The following TET3 variants were observed in gnomAD, a reference collection of about 807,000 sequenced individuals.
The protein encoded by TET3 is methylcytosine dioxygenase TET3.
Under a neutral mutation model 141.4 loss-of-function variants are expected in TET3, and 19 were observed. That is an observed-to-expected ratio of 0.13 (90% CI 0.09 to 0.20). The LOEUF (loss-of-function observed/expected upper bound fraction) is 0.20. TET3 is among the 10% of genes least tolerant of loss of function. TET3 has a pLI of 1.00. For missense variants in TET3, 1,874 were observed against 2,356.9 expected, an observed-to-expected ratio of 0.80 and a Z score of 4.24; for synonymous variants, 1,043 against 980.9, an observed-to-expected ratio of 1.06 and a Z score of -1.18.
chr2:73,999,487 C>A (rs1018231143), intron 2 of TET3, among the ~76,000 whole-genome samples: 1 of 152,068 alleles, frequency 6.6e-6, no homozygotes, highest in Non-Finnish European at 1.5e-5. Flanking sequence ...TGTCTGTGTT[C>A]CTTCGTCTTT....
intron 3 of TET3, among the ~76,000 whole-genome samples, chr2:74,036,821 G>T (rs901230462): frequency 1.7e-4 from 26 of 152,292 alleles, no homozygotes; most frequent in African/African-American, 6.0e-4. Flanking sequence ...CAGAGGACAT[G>T]AACAAAGTCC....
intron 1 of TET3, 110 bp from the exon 2 acceptor site, chr2:73,985,870 G>A (rs1263498503): frequency 3.9e-5 from 6 of 152,134 alleles, no homozygotes; most frequent in African/African-American, 1.4e-4. Flanking sequence ...CCTCAATTGA[G>A]CAAGCCCCAT....
intron 3 of TET3, among the ~76,000 whole-genome samples, chr2:74,036,472 G>A (rs185218488): frequency 1.1e-4 from 16 of 152,308 alleles, no homozygotes; most frequent in African/African-American, 3.8e-4. Context: ...CATGCTTGAG[G>A]GAAAATCATT....
At chr2:74,067,889 T>C (rs1688997272) in intron 4 of TET3, among the ~76,000 whole-genome samples, 1 of 152,204 alleles carries the variant, frequency 6.6e-6, no homozygotes, top group Admixed American at 6.5e-5. Context: ...GTGGGGACTT[T>C]GTGGACCACA....
the TET3 span, among the ~76,000 whole-genome samples, chr2:74,131,693 A>C: frequency 6.2e-4 from 94 of 152,222 alleles, no homozygotes; most frequent in Admixed American, 6.1e-3. Context: ...AAAACCGCAC[A>C]CTGTTTTTAA....
Position 74,047,945 on chromosome 2 carries a change from G to C in TET3, c.2028G>C (p.Leu676=), listed in dbSNP as rs1687735889. Residue 676 remains leucine (L), a synonymous_variant, in exon 4 of 12, where the codon CTG becomes CTC. Coordinates refer to ENST00000409262, the MANE Select transcript of TET3 (RefSeq NM_001287491.2). ...CACCTAGTCCCTCCAGGGACAGCCT[G>C]CTGCCCCCTACTCAGGAAATGAGGT... ...LFAPSPSRDS[L]LPPTQEMRSP... 1 of 1,613,424 alleles carries C rather than the reference G, an allele frequency of 6.2e-7. No individual in the cohort carries two copies. The highest frequency in any genetic ancestry group is 1.7e-5 in the Admixed American group (1 of 59,958).
chr2:74,080,474 G>T (rs759415749), intron 5 of TET3, 24 bp from the exon 6 acceptor site: 1 of 1,603,850 alleles, frequency 6.2e-7, no homozygotes, highest in South Asian at 1.1e-5. Flanking sequence ...CTGTGCTAAT[G>T]GTGGCTTCTG....
chr2:74,017,128 A>G (rs754850672), intron 3 of TET3, among the ~76,000 whole-genome samples: 1 of 152,166 alleles, frequency 6.6e-6, no homozygotes, highest in Non-Finnish European at 1.5e-5. Context: ...CTGTATAGCA[A>G]AAAATTTAAA....
chr2:74,092,337 G>T (rs1038541816), intron 8 of TET3, among the ~76,000 whole-genome samples: 1 of 152,076 alleles, frequency 6.6e-6, no homozygotes, highest in Non-Finnish European at 1.5e-5. Flanking sequence ...CTGTATTTCT[G>T]TAGCTTCATG....
downstream of TET3, among the ~76,000 whole-genome samples, chr2:74,112,346 T>C (rs944811155): frequency 2.6e-5 from 4 of 152,096 alleles, no homozygotes; most frequent in African/African-American, 9.7e-5. Context: ...AAGAACCCAC[T>C]CCTTTTATTT....
intron 2 of TET3, among the ~76,000 whole-genome samples, chr2:73,994,306 A>C (rs962897577): frequency 2.6e-5 from 4 of 152,224 alleles, no homozygotes; most frequent in African/African-American, 4.8e-5. Context: ...AGGCTCAGGC[A>C]AAGCTTGTAT....
At chr2:74,084,186 T>C (rs1689984759) in intron 6 of TET3, among the ~76,000 whole-genome samples, 1 of 152,248 alleles carries the variant, frequency 6.6e-6, no homozygotes, top group Admixed American at 6.5e-5. Flanking sequence ...TGTTCAGCAT[T>C]GCAAAGTATC....
In TET3 at chr2:74,069,332, C is replaced by T. The variant is rs375035860; in HGVS notation, c.2495-4217C>T. On this transcript the variant is annotated intron_variant, in intron 4 of 11. Coordinates refer to ENST00000409262, the MANE Select transcript of TET3 (RefSeq NM_001287491.2). ...GTCTTGTCTGCCTGGCTAGATCATA[C>T]AGTTTTTAAAGGCAACAGTCAGGTA... 2.2e-4 allele frequency among the ~76,000 whole-genome samples: 33 copies of T among 147,148 alleles called. 1 individual carries two copies. In the East Asian group the frequency reaches 2.6e-3, roughly 12 times the overall value.
rs1355272506 is a variant in TET3 at position 74,046,448 on chromosome 2, C to T, written c.531C>T (p.Asp177=). 2.5e-6 allele frequency: 4 copies of T among 1,605,602 alleles called. No homozygotes were observed. The East Asian group carries it at 8.9e-5, about 36-fold the overall frequency. Reference sequence around the variant, plus strand: ...GGACTGGGGGTCCTTGGCGGGTAGACCAAAAGCCCGACTGGGAGGCTGCCC... The same window carrying T: ...GGACTGGGGGTCCTTGGCGGGTAGATCAAAAGCCCGACTGGGAGGCTGCCC... ...LLGTGGPWRV[D]QKPDWEAAPG... Residue 177 remains aspartate, a synonymous_variant, in exon 4 of 12, where the codon GAC becomes GAT. Coordinates refer to ENST00000409262, the MANE Select transcript of TET3 (RefSeq NM_001287491.2). This position sits in a 1 kb window ranked among gnomAD's most constrained non-coding sequence, Gnocchi z 4.3.
intron 3 of TET3, among the ~76,000 whole-genome samples, chr2:74,009,478 A>G (rs1441424151): frequency 6.6e-6 from 1 of 152,202 alleles, no homozygotes; most frequent in Admixed American, 6.5e-5. Flanking sequence ...ACCCAGAGAG[A>G]GGAAACTGTG....
At chr2:74,025,350 G>A (rs545161030) in intron 3 of TET3, among the ~76,000 whole-genome samples, 3 of 148,636 alleles carry the variant, frequency 2.0e-5, no homozygotes, top group Non-Finnish European at 3.0e-5. Context: ...GTGCAGTGGC[G>A]CGATCTCGGC....
Position 74,047,857 on chromosome 2 carries a change from C to T in TET3, c.1940C>T (p.Pro647Leu), listed in dbSNP as rs559714219. The T allele has an allele frequency of 3.8e-5, 61 of 1,612,796 alleles. No individual in the cohort carries two copies. Among genetic ancestry groups the T allele is most frequent in the South Asian group, 3.7e-4 (34 of 90,874 alleles). ...SQEVQAHPPA[P>L]LPASQGSAVP... The stretch of plus-strand genomic sequence containing the variant: ...GAAGTGCAGGCTCATCCACCGGCCC[C>T]TCTGCCTGCCTCACAGGGCTCTGCT... Residue 647 changes from proline (P) to leucine (L), a missense_variant, in exon 4 of 12, where the codon CCT (proline) becomes CTT (leucine). Physicochemically the swap from Pro to Leu is moderately conservative, Grantham distance 98. This residue lies in a region of TET3 where 484 missense variants were observed against 462.2 expected (regional missense o/e 1.05). Transcript: ENST00000409262.
the TET3 span, among the ~76,000 whole-genome samples, chr2:74,123,915 C>G: frequency 3.3e-5 from 5 of 151,778 alleles, no homozygotes; most frequent in Admixed American, 6.6e-5. Context: ...GCCGCGACCT[C>G]GTCTGGGAAC....
chr2:73,984,068 G>A (rs1683876337), upstream of TET3, among the ~76,000 whole-genome samples: 1 of 152,240 alleles, frequency 6.6e-6, no homozygotes, highest in African/African-American at 2.4e-5. This position sits in a 1 kb window ranked among gnomAD's most constrained non-coding sequence, Gnocchi z 5.6. Flanking sequence ...GTAGCCCAGG[G>A]TGACTCTTCA....
Sources: allele counts gnomAD v4.1 joint callset (sites outside exome capture counted in the v4.1 genomes callset), GRCh38; gene constraint gnomAD v4.1.1; regional missense constraint gnomAD v4.1.1; non-coding constraint Gnocchi (gnomAD v3.1); transcripts MANE v1.5; gene names NCBI Gene and HGNC (gene_info 2026-07-23, HGNC 2026-07-21).